Variants in SHROOM3 observed in about 807,000 individuals in gnomAD.
The protein encoded by SHROOM3 is shroom family member 3.
SHROOM3 carries 47 observed loss-of-function variants against 138.6 expected under a neutral mutation model. The observed-to-expected ratio is 0.34, with a 90% CI of 0.27 to 0.43. The LOEUF (loss-of-function observed/expected upper bound fraction) is 0.43. Ranked by LOEUF, SHROOM3 falls within the 20% of genes least tolerant of loss-of-function variation. The pLI, the probability that SHROOM3 is intolerant of heterozygous loss-of-function variation, is 1.00. For synonymous variants in SHROOM3, 1,062 were observed against 1,063.3 expected (o/e 1.00, Z 0.02); for missense variants, 2,491 against 2,596.5 (o/e 0.96, Z 0.88).
intron 2 of SHROOM3, among the ~76,000 whole-genome samples, chr4:76,603,941 C>G (rs1209598171): frequency 6.8e-6 from 1 of 147,300 alleles, no homozygotes; most frequent in Non-Finnish European, 1.5e-5. Flanking sequence ...CCCCCTGGTT[C>G]AAGTGATTCT....
chr4:76,717,894 C>G (rs1720421254), intron 3 of SHROOM3, among the ~76,000 whole-genome samples: 1 of 152,074 alleles, frequency 6.6e-6, no homozygotes, highest in African/African-American at 2.4e-5. Flanking sequence ...GATTTAAATA[C>G]TTCATTATAT....
Position 76,746,795 on chromosome 4 carries a change from T to G in SHROOM3, c.3754-2222T>G, listed in dbSNP as rs201815200. 1.2e-4 allele frequency among the ~76,000 whole-genome samples: 11 copies of G among 88,982 alleles called. No individual in the cohort carries two copies. The South Asian group carries it at 4.4e-3, about 35-fold the overall frequency. The allele number at this position is 88,982 out of a possible 152,430, so 58.4% of individuals were successfully genotyped here. ...CTTTAGATTTACATTATTATTATTA[T>G]TATTATTATTATTATTATTATTATT... On this transcript the variant is annotated intron_variant, in intron 5 of 10. Transcript: ENST00000296043.
intron 1 of SHROOM3, among the ~76,000 whole-genome samples, chr4:76,529,278 T>C (rs1257539681): frequency 1.3e-5 from 2 of 152,254 alleles, no homozygotes; most frequent in African/African-American, 4.8e-5. Context: ...TAGTCACTTA[T>C]GTTGGCTTAG....
chr4:76,770,833 G>T lies in SHROOM3; in HGVS notation c.5557G>T (p.Gly1853Trp), dbSNP rs745514831. The change falls in exon 10 of 11, where the codon GGG (glycine) becomes TGG (tryptophan). Residue 1853 changes from glycine to tryptophan, a missense_variant. Physicochemically the swap from Gly to Trp is radical, Grantham distance 184. This residue lies in a region of SHROOM3 where 470 missense variants were observed against 595.0 expected (regional missense o/e 0.79). Coordinates refer to ENST00000296043, the MANE Select transcript of SHROOM3 (RefSeq NM_020859.4). ...GGTCAACCTGCTGCTCTCCCTCTCGGGGCGTCTAGCCCGTGTTGAGAATGT... is the reference window on the plus strand; with the variant it reads ...GGTCAACCTGCTGCTCTCCCTCTCGTGGCGTCTAGCCCGTGTTGAGAATGT... ...KVVNLLLSLS[G>W]RLARVENVLS... 1 of 1,614,224 alleles carries T rather than the reference G, an allele frequency of 6.2e-7. No individual in the cohort carries two copies. The highest frequency in any genetic ancestry group is 1.1e-5 in the South Asian group (1 of 91,084).
At chr4:76,757,608 A>G (rs1361818728) in intron 8 of SHROOM3, among the ~76,000 whole-genome samples, 1 of 152,192 alleles carries the variant, frequency 6.6e-6, no homozygotes, top group African/African-American at 2.4e-5. Flanking sequence ...CTGAGGCATT[A>G]AGGTGGGTGT....
intron 1 of SHROOM3, among the ~76,000 whole-genome samples, chr4:76,487,521 C>T (rs1245385561): frequency 6.6e-6 from 1 of 151,936 alleles, no homozygotes; most frequent in Non-Finnish European, 1.5e-5. Context: ...ACATTATTTG[C>T]TTTTATATTT....
At chr4:76,527,792 A>T in intron 1 of SHROOM3, among the ~76,000 whole-genome samples, 1 of 152,058 alleles carries the variant, frequency 6.6e-6, no homozygotes, top group East Asian at 1.9e-4. Flanking sequence ...CCTTTTCACA[A>T]CTCGTGGAGA....
At chr4:76,463,962 C>A (rs979130583) in intron 1 of SHROOM3, among the ~76,000 whole-genome samples, 1 of 152,268 alleles carries the variant, frequency 6.6e-6, no homozygotes, top group African/African-American at 2.4e-5. Context: ...AGAATCTCTA[C>A]TAGGGCAGTG....
At chr4:76,670,064 T>C (rs949976349) in intron 2 of SHROOM3, among the ~76,000 whole-genome samples, 7 of 152,214 alleles carry the variant, frequency 4.6e-5, no homozygotes, top group African/African-American at 1.7e-4. Flanking sequence ...CTTGCCCCCT[T>C]CATTTTTCTC....
intron 2 of SHROOM3, among the ~76,000 whole-genome samples, chr4:76,608,672 ATAG>A (rs1734692821): frequency 2.4e-5 from 2 of 81,978 alleles, no homozygotes; most frequent in Non-Finnish European, 5.7e-5. Context: ...ATAGCACAGC[ATAG>A]CACAGCACAG....
Position 76,740,829 on chromosome 4 carries a change from C to G in SHROOM3, c.2656C>G (p.Leu886Val), listed in dbSNP as rs374309118. 1.8e-5 allele frequency: 29 copies of G among 1,594,398 alleles called. No individual in the cohort carries two copies. Among genetic ancestry groups the G allele is most frequent in the Non-Finnish European group, 2.5e-5 (29 of 1,170,862 alleles). The change falls in exon 5 of 11, where the codon CTC becomes GTC. Residue 886 changes from leucine to valine, a missense_variant. Around this residue, in one of 4 missense-constraint regions of SHROOM3, gnomAD observed 1,733 missense variants for 1,661.6 expected, o/e 1.04. Coordinates refer to ENST00000296043, the MANE Select transcript of SHROOM3 (RefSeq NM_020859.4). This position sits in a 1 kb window ranked among gnomAD's most constrained non-coding sequence, Gnocchi z 4.0. ...CCCCCAGAGGCCGGACGCTCGGCTC[C>G]TCCGTAGCCAGAGCACCTTCCAGCT... Reference protein sequence around the residue: ...RGPQRPDARLLRSQSTFQLSS... With the variant: ...RGPQRPDARLVRSQSTFQLSS...
intron 2 of SHROOM3, among the ~76,000 whole-genome samples, chr4:76,692,137 T>C (rs1719570755): frequency 6.6e-6 from 1 of 152,148 alleles, no homozygotes; most frequent in African/African-American, 2.4e-5. Flanking sequence ...GAAAGAAGAT[T>C]GGGAGGTAGA....
intron 1 of SHROOM3, among the ~76,000 whole-genome samples, chr4:76,544,548 TTTTTGTTTTG>T (rs1733172307): frequency 6.6e-6 from 1 of 151,048 alleles, no homozygotes; most frequent in African/African-American, 2.4e-5. Flanking sequence ...TCCTGGCTTT[TTTTTGTTTTG>T]TTTTGTTTTT....
intron 2 of SHROOM3, among the ~76,000 whole-genome samples, chr4:76,616,415 T>C (rs764470004): frequency 1.3e-5 from 2 of 152,192 alleles, no homozygotes; most frequent in African/African-American, 4.8e-5. Context: ...CAAGTGTTCA[T>C]TGATAGATGA....
intron 2 of SHROOM3, chr4:76,586,885 CTT>C (rs1734166228): frequency 6.6e-6 from 1 of 152,182 alleles, no homozygotes. Flanking sequence ...TTAATTATAA[CTT>C]ATTTTTAAAG....
chr4:76,607,321 C>G (rs964869727), intron 2 of SHROOM3, among the ~76,000 whole-genome samples: 2 of 151,366 alleles, frequency 1.3e-5, no homozygotes, highest in Non-Finnish European at 3.0e-5. Flanking sequence ...CACTCCCACA[C>G]TCTGAGGAAT....
intron 2 of SHROOM3, among the ~76,000 whole-genome samples, chr4:76,598,664 A>G (rs2110053560): frequency 6.6e-6 from 1 of 152,166 alleles, no homozygotes; most frequent in East Asian, 1.9e-4. Context: ...AGCTGTATCC[A>G]CCTGGAGGAG....
At chr4:76,444,753 C>T (rs926920742) in intron 1 of SHROOM3, among the ~76,000 whole-genome samples, 1 of 151,946 alleles carries the variant, frequency 6.6e-6, no homozygotes, top group African/African-American at 2.4e-5. Flanking sequence ...TTCGGCCTCC[C>T]AAAGTACTGG....
rs533294421 is a variant in SHROOM3, at chr4:76,602,464, T to C, written c.323+46701T>C. Among the ~76,000 whole-genome samples the C allele has an allele frequency of 7.9e-5, 12 of 152,314 alleles. No homozygotes were observed. In the South Asian group the frequency reaches 2.5e-3, roughly 32 times the overall value. On this transcript the variant is annotated intron_variant, in intron 2 of 10. Transcript: ENST00000296043. ...ATTTATAATAAATGATACAGCCATA[T>C]GTTAATTTTCTTGATTTTTTTTTTC...
Sources: allele counts gnomAD v4.1 joint callset (sites outside exome capture counted in the v4.1 genomes callset), GRCh38; gene constraint gnomAD v4.1.1; regional missense constraint gnomAD v4.1.1; non-coding constraint Gnocchi (gnomAD v3.1); transcripts MANE v1.5; gene names NCBI Gene and HGNC (gene_info 2026-07-23, HGNC 2026-07-21).